Variants in SUGCT observed in about 807,000 individuals in gnomAD.
SUGCT encodes the protein succinyl-CoA:glutarate CoA-transferase.
A neutral mutation model predicts 55.0 loss-of-function variants in SUGCT; 41 were observed. That is an observed-to-expected ratio of 0.74 (90% confidence interval 0.58 to 0.97). The LOEUF (loss-of-function observed/expected upper bound fraction) is 0.97. SUGCT is among the 50% of genes least tolerant of loss of function. The pLI is 0.00. For synonymous variants in SUGCT, 187 were observed against 200.4 expected (o/e 0.93, Z 0.56); for missense variants, 568 against 547.8 (o/e 1.04, Z -0.37).
chr7:40,944,885 C>T, the SUGCT span, among the ~76,000 whole-genome samples: 2 of 152,142 alleles, frequency 1.3e-5, no homozygotes, highest in African/African-American at 4.8e-5. Context: ...AGGGTGAAGA[C>T]TCTGTATGAG....
chr7:40,912,537 C>T, the SUGCT span, among the ~76,000 whole-genome samples: 1 of 151,984 alleles, frequency 6.6e-6, no homozygotes, highest in Non-Finnish European at 1.5e-5. Context: ...TTGTTTTGGT[C>T]GACAGTTGCC....
intron 9 of SUGCT, among the ~76,000 whole-genome samples, chr7:40,329,856 C>T (rs1024792143): frequency 6.6e-6 from 1 of 152,186 alleles, no homozygotes; most frequent in Non-Finnish European, 1.5e-5. Context: ...CCCATCCTTA[C>T]AGCTACTGAT....
the SUGCT span, among the ~76,000 whole-genome samples, chr7:40,973,233 G>A: frequency 1.3e-5 from 2 of 152,152 alleles, no homozygotes; most frequent in Non-Finnish European, 2.9e-5. Flanking sequence ...ACTCTGGACA[G>A]GTGGTATGTT....
the SUGCT span, among the ~76,000 whole-genome samples, chr7:41,001,061 G>A: frequency 1.3e-5 from 2 of 152,308 alleles, no homozygotes; most frequent in Non-Finnish European, 2.9e-5. Flanking sequence ...GTCGGGAGTG[G>A]TCTCTGAATT....
At chr7:40,929,518 G>T in the SUGCT span, among the ~76,000 whole-genome samples, 33 of 152,140 alleles carry the variant, frequency 2.2e-4, no homozygotes, top group Non-Finnish European at 4.3e-4. Flanking sequence ...CACAATGGTA[G>T]AACTAATTTA....
intron 9 of SUGCT, among the ~76,000 whole-genome samples, chr7:40,355,700 C>A (rs532499269): frequency 2.0e-5 from 3 of 152,002 alleles, no homozygotes; most frequent in Non-Finnish European, 4.4e-5. Context: ...GAATGGAATT[C>A]TTTTTTTGGG....
At chr7:40,950,666 AG>A in the SUGCT span, among the ~76,000 whole-genome samples, 1 of 152,148 alleles carries the variant, frequency 6.6e-6, no homozygotes, top group African/African-American at 2.4e-5. Context: ...TTTAACATGA[AG>A]GGCTGTTGAA....
intron 12 of SUGCT, among the ~76,000 whole-genome samples, chr7:40,719,005 A>G (rs1213816279): frequency 6.6e-6 from 1 of 152,244 alleles, no homozygotes; most frequent in Non-Finnish European, 1.5e-5. Flanking sequence ...CATTCCTAAA[A>G]TACAAATTTC....
At chr7:40,415,195 G>A (rs1413586179) in intron 9 of SUGCT, among the ~76,000 whole-genome samples, 4 of 149,804 alleles carry the variant, frequency 2.7e-5, no homozygotes, top group South Asian at 2.1e-4. Context: ...ACTTGAGCCC[G>A]GGAGGCAGAG....
intron 1 of SUGCT, among the ~76,000 whole-genome samples, chr7:40,142,098 G>A (rs1788019603): frequency 1.3e-5 from 2 of 151,996 alleles, no homozygotes; most frequent in South Asian, 2.1e-4. Context: ...GCAGGTAATC[G>A]GAATGACTTA....
intron 12 of SUGCT, among the ~76,000 whole-genome samples, chr7:40,572,328 G>A (rs931413884): frequency 1.3e-5 from 2 of 152,086 alleles, no homozygotes; most frequent in African/African-American, 2.4e-5. Context: ...AAGAAATTCC[G>A]CAGGGCTTAG....
chr7:40,606,616 G>A (rs1013419945), intron 12 of SUGCT, among the ~76,000 whole-genome samples: 2 of 152,262 alleles, frequency 1.3e-5, no homozygotes, highest in African/African-American at 2.4e-5. Context: ...ATTTGGATTT[G>A]GGTAACATTT....
the SUGCT span, among the ~76,000 whole-genome samples, chr7:40,955,068 G>C: frequency 6.6e-6 from 1 of 152,144 alleles, no homozygotes; most frequent in Non-Finnish European, 1.5e-5. Context: ...AAGTCAGGTA[G>C]CATGATGCCT....
chr7:40,330,469 T>G (rs2151145294), intron 9 of SUGCT, among the ~76,000 whole-genome samples: 1 of 132,714 alleles, frequency 7.5e-6, no homozygotes, highest in East Asian at 2.2e-4. Context: ...AGGACTATGC[T>G]TTAGAAGATC....
chr7:40,452,021 G>A (rs890308231), intron 10 of SUGCT, among the ~76,000 whole-genome samples: 2 of 152,196 alleles, frequency 1.3e-5, no homozygotes, highest in Non-Finnish European at 2.9e-5. Flanking sequence ...AGCACTGTCT[G>A]TGACAAATGA....
intron 13 of SUGCT, among the ~76,000 whole-genome samples, chr7:40,856,069 T>TC (rs750535297): frequency 6.6e-6 from 1 of 152,216 alleles, no homozygotes; most frequent in South Asian, 2.1e-4. Context: ...GACTTTAAGA[T>TC]CAAAGGCTCT....
chr7:40,425,282 A>G (rs532223560), intron 9 of SUGCT, among the ~76,000 whole-genome samples: 2 of 152,090 alleles, frequency 1.3e-5, no homozygotes, highest in Non-Finnish European at 2.9e-5. Flanking sequence ...ATAATAAAAT[A>G]AGCAAGATCT....
At chr7:40,843,053 C>T (rs1793355250) in intron 13 of SUGCT, among the ~76,000 whole-genome samples, 1 of 152,174 alleles carries the variant, frequency 6.6e-6, no homozygotes, top group African/African-American at 2.4e-5. Context: ...CTCATTCACT[C>T]CCTCTTGAGG....
chr7:40,973,829 G>C, the SUGCT span, among the ~76,000 whole-genome samples: 2 of 152,106 alleles, frequency 1.3e-5, no homozygotes, highest in South Asian at 2.1e-4. Flanking sequence ...TGACACCAAA[G>C]CATATAACCC....
Sources: allele counts gnomAD v4.1 joint callset (sites outside exome capture counted in the v4.1 genomes callset), GRCh38; gene constraint gnomAD v4.1.1; transcripts MANE v1.5; gene names NCBI Gene and HGNC (gene_info 2026-07-23, HGNC 2026-07-21).